Variants in TLX1 observed in about 807,000 individuals in gnomAD.
TLX1 encodes T cell leukemia homeobox 1, also known as T-cell leukemia homeobox protein 1.
Under a neutral mutation model 26.5 loss-of-function variants are expected in TLX1, and 6 were observed. The observed-to-expected ratio is 0.23, with a 90% confidence interval of 0.12 to 0.45. The LOEUF is 0.45. Among genes scored for constraint, TLX1 ranks in the 20% least tolerant of loss-of-function variants. The pLI, the probability that TLX1 is intolerant of heterozygous loss-of-function variation, is 0.99. For synonymous variants in TLX1, 217 were observed against 219.7 expected (o/e 0.99, Z 0.11); for missense variants, 418 against 482.6 (o/e 0.87, Z 1.25).
intron 1 of TLX1, 90 bp from the exon 2 acceptor site, chr10:101,134,085 C>A: frequency 7.8e-7 from 1 of 1,287,754 alleles, no homozygotes; most frequent in Non-Finnish European, 1.1e-6. Context: ...GGGCCTGGGA[C>A]GCTTCCTGAC....
At position 101,136,961 on chromosome 10, in the gene TLX1, T is replaced by G. The variant is rs1940310560; in HGVS notation, c.*48T>G. ...GACCCCAGGCCCACTCAGGGGTCAC[T>G]GAGGCCTGAGACCCAGGACTCCTCC... On this transcript the variant is annotated 3_prime_UTR_variant, in exon 3 of 3. Coordinates refer to ENST00000370196, the MANE Select transcript of TLX1 (RefSeq NM_005521.4). 1.2e-6 allele frequency: 2 copies of G among 1,601,218 alleles called. No homozygotes were observed. Among genetic ancestry groups the G allele is most frequent in the Non-Finnish European group, 1.7e-6 (2 of 1,172,262 alleles).
intron 2 of TLX1, chr10:101,135,471 G>A (rs1489989278): frequency 1.9e-5 from 3 of 154,430 alleles, no homozygotes; most frequent in Non-Finnish European, 4.4e-5. Context: ...TCAGACCTTG[G>A]AACGCTAAAG....
chr10:101,137,321 A>G lies in TLX1; in HGVS notation c.*408A>G. On this transcript the variant is annotated 3_prime_UTR_variant, in exon 3 of 3. Coordinates refer to ENST00000370196, the MANE Select transcript of TLX1 (RefSeq NM_005521.4). ...CCCACTTCTCATCACACACATGGAA[A>G]CCCATAGGCCCACACACAGGTGGTG... 1 of 305,996 alleles carries G rather than the reference A, an allele frequency of 3.3e-6. No homozygotes were observed. Among genetic ancestry groups the G allele is most frequent in the Non-Finnish European group, 6.2e-6 (1 of 162,334 alleles). The allele number at this position is 305,996 out of a possible 1,614,324, so 19.0% of individuals were successfully genotyped here. A position where few individuals can be genotyped will look rare whatever the true frequency, so the allele number is the denominator to read the frequency against.
Position 101,131,464 on chromosome 10 carries a change from C to T in TLX1, c.-78C>T. The T allele has an allele frequency of 1.6e-6, 2 of 1,242,190 alleles. No individual in the cohort carries two copies. The highest frequency in any genetic ancestry group is 4.5e-5 in the South Asian group (2 of 43,968). The allele number at this position is 1,242,190 out of a possible 1,614,324, so 76.9% of individuals were successfully genotyped here. On this transcript the variant is annotated 5_prime_UTR_variant, in exon 1 of 3. Transcript: ENST00000370196. Reference sequence around the variant, plus strand: ...CGCAGCCAGGAGCCGCTGTTGCCTCCCAGCCCCTGCTAGCTGCCCCCCGAG... The same window carrying T: ...CGCAGCCAGGAGCCGCTGTTGCCTCTCAGCCCCTGCTAGCTGCCCCCCGAG...
chr10:101,136,813 T>A lies in TLX1; in HGVS notation c.893T>A (p.Val298Glu). Residue 298 changes from valine (V) to glutamate (E), a missense_variant, in exon 3 of 3, where the codon GTG (valine) becomes GAG (glutamate). This residue lies in a region of TLX1 where 78 missense variants were observed against 92.2 expected (regional missense o/e 0.85). Transcript: ENST00000370196. Reference protein sequence around the residue: ...AQPLPADPLCVHNSSLFALQN... With the variant: ...AQPLPADPLCEHNSSLFALQN... ...CCGCTGCCCGCTGACCCTCTGTGCG[T>A]GCACAACTCGTCGCTCTTCGCCCTG... 1 of 1,613,646 alleles carries A rather than the reference T, an allele frequency of 6.2e-7. No individual in the cohort carries two copies. The highest frequency in any genetic ancestry group is 8.5e-7 in the Non-Finnish European group (1 of 1,180,018).
At position 101,132,478 on chromosome 10, in the gene TLX1, C is replaced by T. The variant is rs756710863; in HGVS notation, c.568+369C>T. ...GGGGTGCAACGTGAACAGTTTCTTC[C>T]GTCCTGGCTGCTGTTCTAGGACCCA... On this transcript the variant is annotated intron_variant, in intron 1 of 2. Coordinates refer to ENST00000370196, the MANE Select transcript of TLX1 (RefSeq NM_005521.4). The surrounding 1 kb of genome is among the most constrained non-coding windows in gnomAD (Gnocchi z 4.1). Among the ~76,000 whole-genome samples the T allele has an allele frequency of 3.9e-5, 6 of 152,212 alleles. No individual in the cohort carries two copies. Among genetic ancestry groups the T allele is most frequent in the Non-Finnish European group, 7.3e-5 (5 of 68,040 alleles).
Position 101,136,612 on chromosome 10 carries a change from C to T in TLX1, c.771-79C>T, listed in dbSNP as rs145740039. The T allele has an allele frequency of 8.4e-5, 135 of 1,609,994 alleles. No individual in the cohort carries two copies. In the African/African-American group the frequency reaches 1.6e-3, roughly 20 times the overall value. ...GAGCAGCGCTCGTTCAGTTTATCTCCTGGGAACGCACCAGGAGTTGGGCAC... is the reference window on the plus strand; with the variant it reads ...GAGCAGCGCTCGTTCAGTTTATCTCTTGGGAACGCACCAGGAGTTGGGCAC... On this transcript the variant is annotated intron_variant, in intron 2 of 2. Transcript: ENST00000370196.
chr10:101,136,637 C>T, intron 2 of TLX1, 54 bp from the exon 3 acceptor site: 1 of 1,612,170 alleles, frequency 6.2e-7, no homozygotes, highest in Middle Eastern at 1.7e-4. Context: ...GAGTTGGGCA[C>T]ACGCGGGAGC....
At chr10:101,134,676 G>A (rs1564676901) in intron 2 of TLX1, among the ~76,000 whole-genome samples, 1 of 152,236 alleles carries the variant, frequency 6.6e-6, no homozygotes, top group African/African-American at 2.4e-5. Flanking sequence ...GCGGGTTAGT[G>A]CACTCCACGC....
Position 101,136,914 on chromosome 10 carries a change from G to A in TLX1, c.*1G>A. On this transcript the variant is annotated 3_prime_UTR_variant, in exon 3 of 3. Transcript: ENST00000370196. The stretch of plus-strand genomic sequence containing the variant: ...GTCGGTGGCGTCGGCCTGCGAGTGA[G>A]CCTGCCCATTCTGCCCTGTGGGACC... 2 of 1,613,348 alleles carry A rather than the reference G, an allele frequency of 1.2e-6. No individual in the cohort carries two copies. The highest frequency in any genetic ancestry group is 1.7e-6 in the Non-Finnish European group (2 of 1,179,868).
rs1297608063 is a variant in TLX1, at chr10:101,131,905, G to A, written c.364G>A (p.Gly122Ser). Residue 122 changes from glycine (G) to serine (S), a missense_variant, in exon 1 of 3, where the codon GGT (glycine) becomes AGT (serine). By Grantham distance (56) the Gly-to-Ser change is moderately conservative. Around this residue, in one of 3 missense-constraint regions of TLX1, gnomAD observed 322 missense variants for 344.6 expected, o/e 0.93. Coordinates refer to ENST00000370196, the MANE Select transcript of TLX1 (RefSeq NM_005521.4). ...GPGGGGGSSG[G>S]AGALSAAGVI... Reference sequence around the variant, plus strand: ...TGGCGGCGGCGGCGGCAGCAGCGGCGGTGCCGGGGCACTCAGCGCTGCGGG... The same window carrying A: ...TGGCGGCGGCGGCGGCAGCAGCGGCAGTGCCGGGGCACTCAGCGCTGCGGG... 2.2e-6 allele frequency: 3 copies of A among 1,391,590 alleles called. No homozygotes were observed. The highest frequency in any genetic ancestry group is 2.8e-6 in the Non-Finnish European group (3 of 1,081,968). 86.2% of individuals were successfully genotyped at this position (1,391,590 alleles called of 1,614,324 possible).
intron 2 of TLX1, 40 bp from the exon 3 acceptor site, chr10:101,136,651 G>T: frequency 1.9e-6 from 3 of 1,612,668 alleles, no homozygotes; most frequent in Non-Finnish European, 1.7e-6. Context: ...CGGGAGCTGG[G>T]TCGGTGCTCC....
chr10:101,131,487 G>GAGCC lies in TLX1; in HGVS notation c.-54_-51dup. ...TCCCAGCCCCTGCTAGCTGCCCCCC[G>GAGCC]AGCCGAGCGCAGCGAGCGCCGCCGC... On this transcript the variant is annotated 5_prime_UTR_variant, in exon 1 of 3. Transcript: ENST00000370196. 1 of 1,361,786 alleles carries GAGCC rather than the reference G, an allele frequency of 7.3e-7. No homozygotes were observed. Among genetic ancestry groups the GAGCC allele is most frequent in the Non-Finnish European group, 9.5e-7 (1 of 1,053,800 alleles). The allele number at this position is 1,361,786 out of a possible 1,614,324, so 84.4% of individuals were successfully genotyped here. A position where few individuals can be genotyped will look rare whatever the true frequency, so the allele number is the denominator to read the frequency against.
Position 101,131,775 on chromosome 10 carries a change from T to C in TLX1, c.234T>C (p.Gly78=). The C allele has an allele frequency of 7.2e-7, 1 of 1,388,202 alleles. No individual in the cohort carries two copies. The highest frequency in any genetic ancestry group is 9.3e-7 in the Non-Finnish European group (1 of 1,077,058). 86.0% of individuals were successfully genotyped at this position (1,388,202 alleles called of 1,614,324 possible). The change falls in exon 1 of 3, where the codon GGT becomes GGC. Residue 78 remains glycine (G), a synonymous_variant. Transcript: ENST00000370196. ...GAGCGGGGGCCTATGGTACTGGAGGTCCCGGCGGCCCCGGAGGCCCGGCAG... is the reference window on the plus strand; with the variant it reads ...GAGCGGGGGCCTATGGTACTGGAGGCCCCGGCGGCCCCGGAGGCCCGGCAG... ...AGGAGAYGTG[G]PGGPGGPAGG... is the part of the protein sequence containing the mutation.
chr10:101,136,920 C>T lies in TLX1; in HGVS notation c.*7C>T. On this transcript the variant is annotated 3_prime_UTR_variant, in exon 3 of 3. Coordinates refer to ENST00000370196, the MANE Select transcript of TLX1 (RefSeq NM_005521.4). ...GGCGTCGGCCTGCGAGTGAGCCTGC[C>T]CATTCTGCCCTGTGGGACCCCAGGC... 1 of 1,612,888 alleles carries T rather than the reference C, an allele frequency of 6.2e-7. No homozygotes were observed. The highest frequency in any genetic ancestry group is 1.1e-5 in the South Asian group (1 of 91,054).
Position 101,132,016 on chromosome 10 carries a change from T to C in TLX1, c.475T>C (p.Ser159Pro). Residue 159 changes from serine (S) to proline (P), a missense_variant, in exon 1 of 3, where the codon TCT (serine) becomes CCT (proline). Around this residue, in one of 3 missense-constraint regions of TLX1, gnomAD observed 322 missense variants for 344.6 expected, o/e 0.93. Coordinates refer to ENST00000370196, the MANE Select transcript of TLX1 (RefSeq NM_005521.4). The surrounding 1 kb of genome is among the most constrained non-coding windows in gnomAD (Gnocchi z 4.1). ...GGCCACCGGCTTGCCCACCGTGCCC[T>C]CTGTGCCTGCCATGCCGGGCGTCAA... ...PLATGLPTVP[S>P]VPAMPGVNNL... The C allele has an allele frequency of 6.6e-7, 1 of 1,522,610 alleles. No homozygotes were observed. 94.3% of individuals were successfully genotyped at this position (1,522,610 alleles called of 1,614,324 possible).
Position 101,137,308 on chromosome 10 carries a change from C to A in TLX1, c.*395C>A. ...CCCTTCTCTGTGACCCACTTCTCAT[C>A]ACACACATGGAAACCCATAGGCCCA... On this transcript the variant is annotated 3_prime_UTR_variant, in exon 3 of 3. Coordinates refer to ENST00000370196, the MANE Select transcript of TLX1 (RefSeq NM_005521.4). 1 of 319,790 alleles carries A rather than the reference C, an allele frequency of 3.1e-6. No individual in the cohort carries two copies. Among genetic ancestry groups the A allele is most frequent in the Non-Finnish European group, 5.9e-6 (1 of 170,938 alleles). The allele number at this position is 319,790 out of a possible 1,614,324, so 19.8% of individuals were successfully genotyped here.
At chr10:101,134,134 T>A (rs1338364788) in intron 1 of TLX1, 41 bp from the exon 2 acceptor site, 2 of 1,539,610 alleles carry the variant, frequency 1.3e-6, no homozygotes, top group Admixed American at 4.2e-5. Context: ...TGTCTCCCGC[T>A]CCAGTGGCCC....
At position 101,131,523 on chromosome 10, in the gene TLX1, CG is replaced by C. The variant is rs748007830; in HGVS notation, c.-17del. On this transcript the variant is annotated 5_prime_UTR_variant, in exon 1 of 3. Transcript: ENST00000370196. Reference sequence around the variant, plus strand: ...AGCGAGCGCCGCCGCCCGGGCCCCCCGGTGGGGCCAGGGCCAGCATGGAGCA... The same window carrying C: ...AGCGAGCGCCGCCGCCCGGGCCCCCCGTGGGGCCAGGGCCAGCATGGAGCA... 65 of 1,426,336 alleles carry C rather than the reference CG, an allele frequency of 4.6e-5. No homozygotes were observed. In the South Asian group the frequency reaches 8.9e-4, roughly 20 times the overall value. 88.4% of individuals were successfully genotyped at this position (1,426,336 alleles called of 1,614,324 possible).
Sources: gnomAD v4.1 joint callset for allele counts (sites outside exome capture counted in the v4.1 genomes callset) on GRCh38, gnomAD v4.1.1 for gene constraint, gnomAD v4.1.1 regional missense constraint, Gnocchi (gnomAD v3.1) non-coding constraint, MANE v1.5 for transcripts, NCBI Gene and HGNC (gene_info 2026-07-23, HGNC 2026-07-21) for gene names.